Variants in DISC1 observed in about 807,000 individuals in gnomAD.
DISC1 encodes the protein disrupted in schizophrenia 1 protein.
Under a neutral mutation model 84.5 loss-of-function variants are expected in DISC1, and 57 were observed. The observed-to-expected ratio is 0.67, with a 90% confidence interval of 0.55 to 0.84. DISC1 has a LOEUF of 0.84. Ranked by LOEUF, DISC1 falls within the 40% of genes least tolerant of loss-of-function variation. The pLI, the probability that DISC1 is intolerant of heterozygous loss-of-function variation, is 0.00. For synonymous variants in DISC1, 411 were observed against 415.2 expected (o/e 0.99, Z 0.12); for missense variants, 1,000 against 1,057.8 (o/e 0.95, Z 0.76).
At chr1:231,659,298 T>C (rs972775847) in intron 1 of DISC1, among the ~76,000 whole-genome samples, 1 of 152,220 alleles carries the variant, frequency 6.6e-6, no homozygotes, top group Non-Finnish European at 1.5e-5. Flanking sequence ...CTGATGGTTG[T>C]TTGTATTTCT....
At chr1:231,919,345 T>C (rs1376774662) in intron 9 of DISC1, among the ~76,000 whole-genome samples, 1 of 152,222 alleles carries the variant, frequency 6.6e-6, no homozygotes, top group Non-Finnish European at 1.5e-5. Context: ...AAAAACAGGT[T>C]TAAGACTTTA....
chr1:231,891,631 T>C (rs1464440008), intron 9 of DISC1, among the ~76,000 whole-genome samples: 3 of 151,858 alleles, frequency 2.0e-5, no homozygotes, highest in Middle Eastern at 3.4e-3. Context: ...TGGTCTGGGG[T>C]GATTAGGGCA....
rs759467695 is a variant in DISC1 at position 231,750,081 on chromosome 1, G to C, written c.1268+5G>C. ...GCGCCGTGGGGCCACTCAGCAGTGA[G>C]TACTTGTTATTGTCACCATTTTCCC... On this transcript the variant is annotated splice_donor_5th_base_variant and intron_variant, in intron 4 of 12. Coordinates refer to ENST00000439617, the MANE Select transcript of DISC1 (RefSeq NM_018662.3). 6.2e-7 allele frequency: 1 copy of C among 1,611,104 alleles called. No homozygotes were observed. Among genetic ancestry groups the C allele is most frequent in the Non-Finnish European group, 8.5e-7 (1 of 1,178,402 alleles).
At position 232,033,147 on chromosome 1, in the gene DISC1, C is replaced by T. The variant is rs543307601; in HGVS notation, c.2426-3545C>T. On this transcript the variant is annotated intron_variant, in intron 12 of 12. Coordinates refer to ENST00000439617, the MANE Select transcript of DISC1 (RefSeq NM_018662.3). Reference sequence around the variant, plus strand: ...TCCCTCCTCTACCAAAAACACCAAACGCTCATTCCTAGTCCTCTTCTTCTC... The same window carrying T: ...TCCCTCCTCTACCAAAAACACCAAATGCTCATTCCTAGTCCTCTTCTTCTC... Among the ~76,000 whole-genome samples, 22 of 152,300 alleles carry T rather than the reference C, an allele frequency of 1.4e-4. No homozygotes were observed. In the East Asian group the frequency reaches 3.5e-3, roughly 24 times the overall value.
chr1:231,867,960 T>A (rs147227150), intron 9 of DISC1, among the ~76,000 whole-genome samples: 2 of 152,320 alleles, frequency 1.3e-5, no homozygotes, highest in African/African-American at 4.8e-5. Context: ...ACTGTCCCCT[T>A]AGCATTCCTC....
chr1:231,990,877 G>A (rs1025155152), intron 10 of DISC1, among the ~76,000 whole-genome samples: 1 of 152,174 alleles, frequency 6.6e-6, no homozygotes, highest in South Asian at 2.1e-4. Flanking sequence ...TACTGTGTTT[G>A]GAGGTAACAT....
intron 9 of DISC1, among the ~76,000 whole-genome samples, chr1:231,822,604 C>T (rs546827832): frequency 1.3e-5 from 2 of 152,268 alleles, no homozygotes; most frequent in Admixed American, 6.5e-5. Flanking sequence ...CACAGTCTCA[C>T]AATTTTTGAG....
At chr1:231,678,313 T>A (rs1417091945) in intron 1 of DISC1, among the ~76,000 whole-genome samples, 1 of 152,028 alleles carries the variant, frequency 6.6e-6, no homozygotes, top group Non-Finnish European at 1.5e-5. Flanking sequence ...CCCAGGGAAG[T>A]GTGGTGAGAA....
chr1:231,918,561 AGT>A (rs1274449017), intron 9 of DISC1, among the ~76,000 whole-genome samples: 4 of 152,252 alleles, frequency 2.6e-5, no homozygotes, highest in African/African-American at 7.2e-5. Context: ...TGCATTTGCA[AGT>A]AACTGGTTAT....
rs202025838 is a variant in DISC1, at chr1:231,675,857, T to C, written c.68-17969T>C. ...TGTATTTGTTTTTTCTTTTCTTTTT[T>C]TTTTTTTTTTGACACAGAATTCCCA... On this transcript the variant is annotated intron_variant, in intron 1 of 12. Coordinates refer to ENST00000439617, the MANE Select transcript of DISC1 (RefSeq NM_018662.3). This position sits in a 1 kb window ranked among gnomAD's most constrained non-coding sequence, Gnocchi z 4.1. Among the ~76,000 whole-genome samples the C allele has an allele frequency of 2.8e-3, 426 of 151,576 alleles. 7 individuals carry two copies. Among genetic ancestry groups the C allele is most frequent in the East Asian group, 9.7e-3 (50 of 5,166 alleles).
intron 9 of DISC1, among the ~76,000 whole-genome samples, chr1:231,957,004 C>T (rs1659629623): frequency 6.6e-6 from 1 of 152,184 alleles, no homozygotes. Flanking sequence ...CAGTCACAGC[C>T]TGTCCACATT....
intron 1 of DISC1, among the ~76,000 whole-genome samples, chr1:231,653,820 A>T (rs2060835092): frequency 6.6e-6 from 1 of 152,162 alleles, no homozygotes; most frequent in African/African-American, 2.4e-5. Flanking sequence ...TTGATGACTT[A>T]TGAACTAGAA....
At chr1:231,884,913 A>G (rs527355993) in intron 9 of DISC1, among the ~76,000 whole-genome samples, 2 of 152,162 alleles carry the variant, frequency 1.3e-5, no homozygotes, top group Non-Finnish European at 2.9e-5. Context: ...GCTGGAATAT[A>G]TAAGGAGAGG....
chr1:231,854,984 G>A, intron 9 of DISC1: 1 of 1,110,196 alleles, frequency 9.0e-7, no homozygotes, highest in South Asian at 1.9e-5. Context: ...CCAAAGTGCT[G>A]GGATTACAGA....
At chr1:231,801,280 A>G (rs1306747119) in intron 8 of DISC1, among the ~76,000 whole-genome samples, 1 of 149,060 alleles carries the variant, frequency 6.7e-6, no homozygotes, top group Non-Finnish European at 1.5e-5. Context: ...TTGCTGAGAG[A>G]AAAAAAAAGA....
At chr1:231,840,923 T>A (rs918399948) in intron 9 of DISC1, among the ~76,000 whole-genome samples, 1 of 152,170 alleles carries the variant, frequency 6.6e-6, no homozygotes, top group Non-Finnish European at 1.5e-5. Flanking sequence ...TTTTAAAAAA[T>A]TTTAAAAACT....
chr1:231,991,633 G>A (rs7536103), intron 10 of DISC1, among the ~76,000 whole-genome samples: 1,540 of 152,254 alleles, frequency 0.01, 28 homozygotes, highest in African/African-American at 0.035. Flanking sequence ...CCAAAGTTAA[G>A]GACTGTGCAT....
At position 232,009,376 on chromosome 1, in the gene DISC1, A is replaced by G. The variant is rs144211779; in HGVS notation, c.2307+327A>G. The stretch of plus-strand genomic sequence containing the variant: ...ATATGTCATATATAATATAGTTATT[A>G]TATTCACTATAGATTATATATGCCA... On this transcript the variant is annotated intron_variant, in intron 11 of 12. Coordinates refer to ENST00000439617, the MANE Select transcript of DISC1 (RefSeq NM_018662.3). The surrounding 1 kb of genome is among the most constrained non-coding windows in gnomAD (Gnocchi z 4.6). The G allele has an allele frequency of 7.1e-4, 603 of 846,520 alleles. 4 individuals are homozygous for G. The African/African-American group carries it at 0.01, about 15-fold the overall frequency. 52.4% of individuals were successfully genotyped at this position (846,520 alleles called of 1,614,324 possible).
chr1:231,719,755 T>C (rs2069358691), intron 3 of DISC1, among the ~76,000 whole-genome samples: 1 of 152,246 alleles, frequency 6.6e-6, no homozygotes, highest in South Asian at 2.1e-4. Context: ...GAACTGATTA[T>C]TTTCTTAGAT....
Sources: gnomAD v4.1 joint callset for allele counts (sites outside exome capture counted in the v4.1 genomes callset) on GRCh38, gnomAD v4.1.1 for gene constraint, Gnocchi (gnomAD v3.1) non-coding constraint, MANE v1.5 for transcripts, NCBI Gene and HGNC (gene_info 2026-07-23, HGNC 2026-07-21) for gene names.